The following SEMA5A variants were observed in gnomAD, a reference collection of about 807,000 sequenced individuals.
The protein encoded by SEMA5A is semaphorin-5A.
In SEMA5A, 55 loss-of-function variants were observed where a neutral mutation model predicts 135.5. The observed-to-expected ratio is 0.41, with a 90% confidence interval of 0.33 to 0.51. SEMA5A has a LOEUF of 0.51. SEMA5A is among the 20% of genes least tolerant of loss of function. SEMA5A has a pLI of 0.37. For synonymous variants in SEMA5A, 580 were observed against 546.5 expected (o/e 1.06, Z -0.85); for missense variants, 1,290 against 1,419.9 (o/e 0.91, Z 1.47).
intron 18 of SEMA5A, among the ~76,000 whole-genome samples, chr5:9,057,915 C>T (rs1332940586): frequency 2.6e-5 from 4 of 152,166 alleles, no homozygotes; most frequent in African/African-American, 9.7e-5. Context: ...ATTGTACTAA[C>T]AATTCATATT....
chr5:9,056,814 C>T (rs1284585734), intron 18 of SEMA5A, among the ~76,000 whole-genome samples: 1 of 152,204 alleles, frequency 6.6e-6, no homozygotes. Context: ...CTCTGAGATA[C>T]ATTTGCATTC....
At chr5:9,324,236 T>G (rs1358978355) in intron 4 of SEMA5A, among the ~76,000 whole-genome samples, 1 of 151,400 alleles carries the variant, frequency 6.6e-6, no homozygotes, top group Non-Finnish European at 1.5e-5. Flanking sequence ...ACCTGGCTAA[T>G]TTTTTGTATT....
At chr5:9,268,261 T>C (rs551308402) in intron 5 of SEMA5A, among the ~76,000 whole-genome samples, 1 of 152,256 alleles carries the variant, frequency 6.6e-6, no homozygotes, top group East Asian at 1.9e-4. Flanking sequence ...TCCTCAAATA[T>C]TTTTAACACA....
At chr5:9,067,381 C>G (rs116266005) in intron 16 of SEMA5A, among the ~76,000 whole-genome samples, 2,712 of 152,178 alleles carry the variant, frequency 0.018, 33 homozygotes, top group Non-Finnish European at 0.027. Context: ...CATACAATTG[C>G]TGCAGACACA....
intron 3 of SEMA5A, among the ~76,000 whole-genome samples, chr5:9,352,100 G>GGGA (rs902549976): frequency 2.0e-5 from 3 of 148,270 alleles, no homozygotes; most frequent in South Asian, 4.5e-4. Flanking sequence ...AGGTCGGGGG[G>GGGA]GTTACTTAAG....
chr5:9,398,337 C>T (rs1230102386), intron 2 of SEMA5A, among the ~76,000 whole-genome samples: 1 of 152,184 alleles, frequency 6.6e-6, no homozygotes, highest in African/African-American at 2.4e-5. Context: ...CTAAAGTGTT[C>T]AAAAACACCA....
chr5:9,235,713 A>T (rs2150446267), intron 6 of SEMA5A, among the ~76,000 whole-genome samples: 1 of 152,272 alleles, frequency 6.6e-6, no homozygotes, highest in South Asian at 2.1e-4. Flanking sequence ...CTCAAATCTG[A>T]ATAGTGCTTA....
chr5:9,256,102 CA>C (rs1485324391), intron 5 of SEMA5A, among the ~76,000 whole-genome samples: 9 of 152,186 alleles, frequency 5.9e-5, no homozygotes, highest in African/African-American at 2.2e-4. Flanking sequence ...AATTCTAATG[CA>C]ATTTCCTAAT....
chr5:9,305,165 T>A (rs1751800411), intron 5 of SEMA5A, among the ~76,000 whole-genome samples: 1 of 152,156 alleles, frequency 6.6e-6, no homozygotes, highest in African/African-American at 2.4e-5. Context: ...CCTAGTGTGT[T>A]AACCATTCAT....
intron 5 of SEMA5A, among the ~76,000 whole-genome samples, chr5:9,284,579 A>AT (rs202055476): frequency 0.022 from 3,355 of 150,354 alleles, 108 homozygotes; most frequent in African/African-American, 0.071. Flanking sequence ...TATTTCATCA[A>AT]TTTTTTTTTT....
chr5:9,353,265 CAAAGG>C (rs1179639286), intron 3 of SEMA5A, among the ~76,000 whole-genome samples: 11 of 51,250 alleles, frequency 2.1e-4, no homozygotes, highest in East Asian at 1.7e-3. Context: ...GGAAGGGAAG[CAAAGG>C]AAAGGAAAGG....
intron 5 of SEMA5A, among the ~76,000 whole-genome samples, chr5:9,279,127 C>T (rs1181251552): frequency 6.6e-6 from 1 of 152,218 alleles, no homozygotes; most frequent in South Asian, 2.1e-4. Context: ...GGGGCGTGTA[C>T]CCTGCAAAGC....
intron 1 of SEMA5A, among the ~76,000 whole-genome samples, chr5:9,504,512 A>G (rs1050421985): frequency 5.3e-5 from 8 of 152,298 alleles, no homozygotes; most frequent in Admixed American, 3.9e-4. Flanking sequence ...TAATAAACCA[A>G]TAAGTACCGG....
chr5:9,367,207 A>C (rs562089322), intron 3 of SEMA5A: 2 of 152,382 alleles, frequency 1.3e-5, no homozygotes, highest in South Asian at 4.1e-4. Context: ...GTAACATTTC[A>C]ATCCTCAACA....
chr5:9,046,262 G>T (rs1008607520), intron 21 of SEMA5A, among the ~76,000 whole-genome samples: 1 of 152,222 alleles, frequency 6.6e-6, no homozygotes, highest in African/African-American at 2.4e-5. Flanking sequence ...CACCCAGTGA[G>T]ACGATTGGAG....
intron 5 of SEMA5A, among the ~76,000 whole-genome samples, chr5:9,306,054 T>C (rs1751853479): frequency 6.6e-6 from 1 of 152,242 alleles, no homozygotes; most frequent in Non-Finnish European, 1.5e-5. Context: ...TGTCTTTTTC[T>C]GTTACTTGAT....
intron 5 of SEMA5A, among the ~76,000 whole-genome samples, chr5:9,243,106 C>G (rs896208776): frequency 6.6e-6 from 1 of 152,198 alleles, no homozygotes; most frequent in African/African-American, 2.4e-5. Flanking sequence ...TTCCCTAGAG[C>G]TGTTGTGAGA....
intron 3 of SEMA5A, among the ~76,000 whole-genome samples, chr5:9,376,945 C>G (rs1401892268): frequency 6.6e-6 from 1 of 152,158 alleles, no homozygotes; most frequent in Admixed American, 6.5e-5. Flanking sequence ...TAATCTCTTT[C>G]AACGGTACAC....
chr5:9,207,142 A>G (rs1746078148), intron 8 of SEMA5A, among the ~76,000 whole-genome samples: 1 of 145,174 alleles, frequency 6.9e-6, no homozygotes, highest in Non-Finnish European at 1.5e-5. Flanking sequence ...ATAAAGCTTA[A>G]AGGTCATTAG....
Sources: allele counts gnomAD v4.1 joint callset (sites outside exome capture counted in the v4.1 genomes callset), GRCh38; gene constraint gnomAD v4.1.1; transcripts MANE v1.5; gene names NCBI Gene and HGNC (gene_info 2026-07-23, HGNC 2026-07-21).